Variants in CCDC180 observed in about 807,000 individuals in gnomAD.
CCDC180 encodes coiled-coil domain containing 180.
A neutral mutation model predicts 209.2 loss-of-function variants in CCDC180; 154 were observed. The ratio of observed to expected loss-of-function variants is 0.74; its 90% CI spans 0.65 to 0.84. The LOEUF is 0.84. CCDC180 is among the 40% of genes least tolerant of loss of function. CCDC180 has a pLI of 0.00. For missense variants in CCDC180, 1,874 were observed against 1,997.3 expected, an observed-to-expected ratio of 0.94 and a Z score of 1.18; for synonymous variants, 778 against 749.1, an observed-to-expected ratio of 1.04 and a Z score of -0.63.
intron 8 of CCDC180, 113 bp downstream of exon 8, chr9:97,315,059 A>T: frequency 6.6e-6 from 5 of 755,556 alleles, no homozygotes; most frequent in South Asian, 6.6e-5. Flanking sequence ...CTTCTCATCT[A>T]TAACGTTTCT....
At chr9:97,313,442 G>C in intron 5 of CCDC180, 97 bp downstream of exon 5, 1 of 777,594 alleles carries the variant, frequency 1.3e-6, no homozygotes, top group Non-Finnish European at 2.2e-6. Flanking sequence ...CCAGCAGAGA[G>C]GTCCTCAGGG....
intron 20 of CCDC180, among the ~76,000 whole-genome samples, chr9:97,348,602 G>T (rs867404226): frequency 1.4e-4 from 22 of 152,070 alleles, no homozygotes; most frequent in African/African-American, 2.4e-4. Context: ...GGGTCGGGGG[G>T]GTCTAGGGAC....
chr9:97,369,414 TTTATTTTATG>T (rs71369507), intron 31 of CCDC180: 20,120 of 134,868 alleles, frequency 0.15, 1,502 homozygotes, highest in East Asian at 0.27. Flanking sequence ...TATTTAAGCC[TTTATTTTATG>T]TTATGTTATG....
Position 97,328,099 on chromosome 9 carries a change from A to C in CCDC180, c.1741A>C (p.Ser581Arg), listed in dbSNP as rs769640834. Residue 581 changes from serine (S) to arginine (R), a missense_variant, in exon 16 of 37, where the codon AGC becomes CGC. Physicochemically the swap from Ser to Arg is moderately radical, Grantham distance 110. Transcript: ENST00000529487. ...AIMLKELNSYSSALSQYFFVR... is the reference protein window; with the variant it reads ...AIMLKELNSYRSALSQYFFVR... ...CATGCTGAAAGAACTCAACTCCTAC[A>C]GCTCTGCCCTCAGCCAATACTTCTT... 6.2e-7 allele frequency: 1 copy of C among 1,614,096 alleles called. No homozygotes were observed. The highest frequency in any genetic ancestry group is 8.5e-7 in the Non-Finnish European group (1 of 1,179,976).
intron 10 of CCDC180, among the ~76,000 whole-genome samples, chr9:97,319,669 T>C (rs1195212394): frequency 6.6e-6 from 1 of 152,260 alleles, no homozygotes; most frequent in African/African-American, 2.4e-5. Context: ...TCATTCTTTT[T>C]TTATGACACT....
rs1332761294 is a variant in CCDC180 at position 97,366,707 on chromosome 9, A to G, written c.4189+7A>G. ...CACAACTCCTGCCTCATAGGTGAGT[A>G]TAGGCAGCAGGAAGGCACGGGGAAC... On this transcript the variant is annotated splice_region_variant and intron_variant, in intron 31 of 36. Transcript: ENST00000529487. This position sits in a 1 kb window ranked among gnomAD's most constrained non-coding sequence, Gnocchi z 4.3. 13 of 1,613,868 alleles carry G rather than the reference A, an allele frequency of 8.1e-6. No individual in the cohort carries two copies. Among genetic ancestry groups the G allele is most frequent in the Non-Finnish European group, 1.0e-5 (12 of 1,179,864 alleles).
intron 14 of CCDC180, 73 bp downstream of exon 14, chr9:97,325,265 A>G (rs924994269): frequency 6.9e-7 from 1 of 1,454,788 alleles, no homozygotes; most frequent in Non-Finnish European, 9.3e-7. Flanking sequence ...CTTGACCCAA[A>G]TGGAGAACCT....
intron 35 of CCDC180, among the ~76,000 whole-genome samples, chr9:97,374,852 G>A (rs1052339373): frequency 8.5e-5 from 13 of 152,180 alleles, no homozygotes; most frequent in African/African-American, 3.1e-4. Context: ...GTAGTACCTG[G>A]GGTGCCCCAG....
intron 35 of CCDC180, among the ~76,000 whole-genome samples, chr9:97,374,862 G>A (rs1827202834): frequency 6.6e-6 from 1 of 152,202 alleles, no homozygotes; most frequent in Non-Finnish European, 1.5e-5. Context: ...GGGTGCCCCA[G>A]CACATACAAA....
At chr9:97,336,884 T>C (rs1308608907) in intron 18 of CCDC180, among the ~76,000 whole-genome samples, 1 of 152,206 alleles carries the variant, frequency 6.6e-6, no homozygotes, top group Non-Finnish European at 1.5e-5. Context: ...TTCACATCCC[T>C]TTTAAGTTGG....
intron 4 of CCDC180, 101 bp from the exon 5 acceptor site, chr9:97,313,135 A>G (rs1833045150): frequency 1.4e-6 from 1 of 737,186 alleles, no homozygotes; most frequent in East Asian, 2.7e-5. Context: ...TCTGGGGTCT[A>G]CCTTCTGAGC....
At chr9:97,365,325 G>T in intron 29 of CCDC180, 1 of 235,158 alleles carries the variant, frequency 4.3e-6, no homozygotes, top group East Asian at 1.0e-4. Flanking sequence ...TGCTGGGAGA[G>T]ATGGAGGTTA....
intron 25 of CCDC180, among the ~76,000 whole-genome samples, chr9:97,358,621 C>T (rs1208626083): frequency 6.6e-6 from 1 of 152,188 alleles, no homozygotes; most frequent in African/African-American, 2.4e-5. Context: ...TGACAGCACA[C>T]CCTTCAATGA....
At chr9:97,376,561 T>C in intron 36 of CCDC180, 1 of 510,560 alleles carries the variant, frequency 2.0e-6, no homozygotes, top group Non-Finnish European at 3.5e-6. Context: ...CAGGCCAGGC[T>C]CTGAGCCTCA....
intron 23 of CCDC180, 37 bp from the exon 24 acceptor site, chr9:97,354,855 T>G (rs1337460921): frequency 6.4e-7 from 1 of 1,570,572 alleles, no homozygotes; most frequent in Admixed American, 1.7e-5. Flanking sequence ...AGGTCCAAAT[T>G]AAGCCCCTGT....
intron 18 of CCDC180, among the ~76,000 whole-genome samples, chr9:97,338,357 T>C (rs1357545323): frequency 3.3e-5 from 5 of 152,256 alleles, no homozygotes; most frequent in Non-Finnish European, 7.3e-5. Flanking sequence ...TTCTGGTACA[T>C]TGTGTCTTTG....
At chr9:97,346,816 A>G (rs1416412757) in intron 19 of CCDC180, among the ~76,000 whole-genome samples, 3 of 152,244 alleles carry the variant, frequency 2.0e-5, no homozygotes, top group Middle Eastern at 3.4e-3. Flanking sequence ...GGTTCAAGCA[A>G]TCCTCCTGCT....
Position 97,323,775 on chromosome 9 carries a change from C to G in CCDC180, c.1249-6C>G. ...GCCAGGCTCTGCCTTGTCCCACACA[C>G]TCCAGAAGCAGCTGCTGGACTGGAA... On this transcript the variant is annotated splice_polypyrimidine_tract_variant and splice_region_variant and intron_variant, in intron 12 of 36. Transcript: ENST00000529487. 1 of 1,557,574 alleles carries G rather than the reference C, an allele frequency of 6.4e-7. No individual in the cohort carries two copies. The highest frequency in any genetic ancestry group is 8.7e-7 in the Non-Finnish European group (1 of 1,149,824).
At position 97,353,932 on chromosome 9, in the gene CCDC180, G is replaced by C. The variant is rs1826492288; in HGVS notation, c.3003-637G>C. Among the ~76,000 whole-genome samples the C allele has an allele frequency of 2.0e-5, 3 of 151,088 alleles. No individual in the cohort carries two copies. In the South Asian group the frequency reaches 6.3e-4, roughly 32 times the overall value. ...TGAACCTCCAAGTCTCTGGTGCAAA[G>C]TCTTGGCTTCTGGTGCTGCCCACAT... On this transcript the variant is annotated intron_variant, in intron 22 of 36. Coordinates refer to ENST00000529487, the MANE Select transcript of CCDC180 (RefSeq NM_020893.6).
Sources: allele counts gnomAD v4.1 joint callset (sites outside exome capture counted in the v4.1 genomes callset), GRCh38; gene constraint gnomAD v4.1.1; non-coding constraint Gnocchi (gnomAD v3.1); transcripts MANE v1.5; gene names NCBI Gene and HGNC (gene_info 2026-07-23, HGNC 2026-07-21).